The following CCDC148 variants were observed in gnomAD, a reference collection of about 807,000 sequenced individuals.
CCDC148 encodes coiled-coil domain-containing protein 148.
A neutral mutation model predicts 85.7 loss-of-function variants in CCDC148; 89 were observed. That is an observed-to-expected ratio of 1.04 (90% CI 0.87 to 1.24). The LOEUF (loss-of-function observed/expected upper bound fraction) is 1.24. CCDC148 is among the 50% of genes most tolerant of loss of function. The pLI is 0.00. For missense variants in CCDC148, 692 were observed against 671.7 expected (o/e 1.03, Z -0.33); for synonymous variants, 230 against 213.9 (o/e 1.08, Z -0.66).
intron 2 of CCDC148, among the ~76,000 whole-genome samples, chr2:158,352,212 C>A (rs1367262715): frequency 6.6e-6 from 1 of 150,422 alleles, no homozygotes; most frequent in Non-Finnish European, 1.5e-5. Context: ...AGCAACGGAA[C>A]AAAGCTGGAT....
At chr2:158,189,261 A>G (rs1297714305) in intron 11 of CCDC148, among the ~76,000 whole-genome samples, 1 of 151,830 alleles carries the variant, frequency 6.6e-6, no homozygotes, top group Non-Finnish European at 1.5e-5. Context: ...CCATTCTTGT[A>G]AATCAATTCA....
At chr2:158,435,053 G>A (rs1342034733) in intron 1 of CCDC148, among the ~76,000 whole-genome samples, 1 of 152,206 alleles carries the variant, frequency 6.6e-6, no homozygotes, top group Non-Finnish European at 1.5e-5. Context: ...AAAACACTCT[G>A]CAGGATGTTA....
chr2:158,452,682 T>G (rs1688453205), intron 1 of CCDC148, among the ~76,000 whole-genome samples: 1 of 152,188 alleles, frequency 6.6e-6, no homozygotes, highest in African/African-American at 2.4e-5. Context: ...GGTCAATGGT[T>G]AGGCAGTGGA....
intron 11 of CCDC148, among the ~76,000 whole-genome samples, chr2:158,205,896 T>C (rs1686217831): frequency 6.6e-6 from 1 of 152,152 alleles, no homozygotes; most frequent in Admixed American, 6.6e-5. Flanking sequence ...TTATAGAGCA[T>C]GTCAAAACCT....
At chr2:158,192,319 G>A (rs1685460950) in intron 11 of CCDC148, among the ~76,000 whole-genome samples, 1 of 151,832 alleles carries the variant, frequency 6.6e-6, no homozygotes, top group Non-Finnish European at 1.5e-5. Flanking sequence ...GAGGGTCGTG[G>A]GCCAGAGAAT....
chr2:158,399,587 T>TA (rs1312774117), intron 1 of CCDC148, among the ~76,000 whole-genome samples: 2 of 152,198 alleles, frequency 1.3e-5, no homozygotes, highest in East Asian at 3.9e-4. Flanking sequence ...CTTTTCATGC[T>TA]AAAAAACTCT....
At chr2:158,447,141 A>T (rs1205803275) in intron 1 of CCDC148, 1 of 152,128 alleles carries the variant, frequency 6.6e-6, no homozygotes, top group Non-Finnish European at 1.5e-5. Context: ...GTTTATATTT[A>T]TATATATGAC....
At position 158,245,377 on chromosome 2, in the gene CCDC148, T is replaced by C. The variant is rs556023324; in HGVS notation, c.1251+5395A>G. ...AAGAATTCACAAAGTGGCAGATCCC[T>C]CCCCAGAAAGATCTCTAAGGTAAGG... On this transcript the variant is annotated intron_variant, in intron 10 of 13. Coordinates refer to ENST00000283233, the MANE Select transcript of CCDC148 (RefSeq NM_138803.4). Among the ~76,000 whole-genome samples, 3 of 152,232 alleles carry C rather than the reference T, an allele frequency of 2.0e-5. No homozygotes were observed. In the South Asian group the frequency reaches 6.2e-4, roughly 32 times the overall value.
intron 9 of CCDC148, among the ~76,000 whole-genome samples, 156 bp downstream of exon 9, chr2:158,309,277 A>G (rs568271950): frequency 1.4e-4 from 22 of 152,326 alleles, no homozygotes; most frequent in Non-Finnish European, 2.9e-4. Flanking sequence ...ATTTGACCTA[A>G]AAAATGCAAT....
intron 9 of CCDC148, among the ~76,000 whole-genome samples, chr2:158,306,791 A>T (rs1042325461): frequency 3.3e-5 from 5 of 151,700 alleles, no homozygotes; most frequent in African/African-American, 1.2e-4. Context: ...ACAAACCTGC[A>T]CGTTGTGCAC....
chr2:158,334,591 ACT>A (rs1474475575), intron 7 of CCDC148, among the ~76,000 whole-genome samples: 4 of 107,292 alleles, frequency 3.7e-5, no homozygotes, highest in Non-Finnish European at 8.2e-5. Flanking sequence ...CCTGGAGGTC[ACT>A]GAGTCGAATA....
chr2:158,322,567 C>A (rs1256506931), intron 7 of CCDC148, among the ~76,000 whole-genome samples: 1 of 151,758 alleles, frequency 6.6e-6, no homozygotes, highest in African/African-American at 2.4e-5. Context: ...CTCCAGTTTT[C>A]TAACTGTATT....
chr2:158,450,871 C>T (rs1385315483), intron 1 of CCDC148, among the ~76,000 whole-genome samples: 1 of 152,082 alleles, frequency 6.6e-6, no homozygotes, highest in African/African-American at 2.4e-5. Context: ...TAGGACATTG[C>T]TTCTTCAAAT....
intron 1 of CCDC148, among the ~76,000 whole-genome samples, chr2:158,418,966 T>C (rs1278819160): frequency 3.9e-5 from 6 of 152,150 alleles, no homozygotes; most frequent in African/African-American, 9.7e-5. Context: ...ATTCCATTTT[T>C]TAGGGTCATA....
At chr2:158,347,272 T>C (rs1468383926) in intron 2 of CCDC148, among the ~76,000 whole-genome samples, 2 of 152,096 alleles carry the variant, frequency 1.3e-5, no homozygotes, top group Admixed American at 6.6e-5. Context: ...CACATTTTTA[T>C]AGTTTGAAAA....
Position 158,423,703 on chromosome 2 carries a change from A to G in CCDC148, c.25+32712T>C, listed in dbSNP as rs551973621. On this transcript the variant is annotated intron_variant, in intron 1 of 13. Transcript: ENST00000283233. ...ACCAAAAGCAATGGCAACACAAGCC[A>G]CAATTGACAAATGGGATCTAATTAA... is the stretch of plus-strand genomic sequence containing the variant. Among the ~76,000 whole-genome samples the G allele has an allele frequency of 5.9e-5, 9 of 152,350 alleles. No individual in the cohort carries two copies. The East Asian group carries it at 1.7e-3, about 29-fold the overall frequency.
intron 1 of CCDC148, among the ~76,000 whole-genome samples, chr2:158,437,621 T>C (rs1574821999): frequency 6.6e-6 from 1 of 152,316 alleles, no homozygotes. Context: ...TTGGAAGTGC[T>C]GACCAGGGCA....
At chr2:158,210,158 G>A (rs553396943) in intron 11 of CCDC148, among the ~76,000 whole-genome samples, 73 of 152,086 alleles carry the variant, frequency 4.8e-4, no homozygotes, top group Admixed American at 2.5e-3. Flanking sequence ...CAGGGGTTGC[G>A]ATCCTAGTCT....
At chr2:158,331,605 G>T (rs545397046) in intron 7 of CCDC148, among the ~76,000 whole-genome samples, 326 of 152,242 alleles carry the variant, frequency 2.1e-3, no homozygotes, top group Admixed American at 4.2e-3. Context: ...TTGCCATGGG[G>T]TGTTAAAGTC....
Sources: allele counts gnomAD v4.1 joint callset (sites outside exome capture counted in the v4.1 genomes callset), GRCh38; gene constraint gnomAD v4.1.1; transcripts MANE v1.5; gene names NCBI Gene and HGNC (gene_info 2026-07-23, HGNC 2026-07-21).